MS4A10: variants seen among roughly 807,000 people sequenced by gnomAD.
MS4A10 encodes membrane spanning 4-domains A10.
MS4A10 carries 27 observed loss-of-function variants against 27.7 expected under a neutral mutation model. That is an observed-to-expected ratio of 0.98 (90% CI 0.72 to 1.35). The LOEUF (loss-of-function observed/expected upper bound fraction) is 1.35, where lower values mean the gene tolerates loss of function less well. Among genes scored for constraint, MS4A10 ranks in the 40% most tolerant of loss-of-function variants. MS4A10 has a pLI of 0.00. For synonymous variants in MS4A10, 139 were observed against 131.2 expected, an observed-to-expected ratio of 1.06 and a Z score of -0.41; for missense variants, 338 against 324.7, an observed-to-expected ratio of 1.04 and a Z score of -0.32.
At position 60,795,589 on chromosome 11, in the gene MS4A10, G is replaced by T; in HGVS notation, c.527G>T (p.Cys176Phe). 6.3e-7 allele frequency: 1 copy of T among 1,585,152 alleles called. No individual in the cohort carries two copies. The highest frequency in any genetic ancestry group is 1.4e-5 in the African/African-American group (1 of 73,608). ...CAGAGGCTGGAGCTGGCCTTGCTCT[G>T]CTTCACTGTCCTAGAGCTCTTCCTG... ...HIQRLELALLCFTVLELFLPV... is the reference protein window; with the variant it reads ...HIQRLELALLFFTVLELFLPV... Residue 176 changes from cysteine (C) to phenylalanine (F), a missense_variant, in exon 6 of 8, where the codon TGC becomes TTC. Cys to Phe is a radical substitution (Grantham distance 205). Coordinates refer to ENST00000308287, the MANE Select transcript of MS4A10 (RefSeq NM_206893.4).
At chr11:60,787,167 G>A (rs1009105939) in intron 1 of MS4A10, among the ~76,000 whole-genome samples, 17 of 152,244 alleles carry the variant, frequency 1.1e-4, no homozygotes, top group Middle Eastern at 3.4e-3. Context: ...TGGGTTTCCC[G>A]TGGGATACCA....
At chr11:60,791,125 G>A in intron 3 of MS4A10, 32 bp downstream of exon 3, 1 of 1,611,786 alleles carries the variant, frequency 6.2e-7, no homozygotes, top group Non-Finnish European at 8.5e-7. Flanking sequence ...GACCGGGTGT[G>A]GGAGTCTGCA....
intron 2 of MS4A10, 34 bp from the exon 3 acceptor site, chr11:60,790,940 C>CTCTCTT (rs780106921): frequency 6.2e-7 from 1 of 1,612,188 alleles, no homozygotes; most frequent in South Asian, 1.1e-5. Flanking sequence ...GTGACCGATG[C>CTCTCTT]CCTCACCCCA....
At chr11:60,789,875 GCAC>G (rs1854396137) in intron 1 of MS4A10, among the ~76,000 whole-genome samples, 2 of 152,158 alleles carry the variant, frequency 1.3e-5, no homozygotes, top group South Asian at 4.1e-4. Flanking sequence ...GGAGGCATGG[GCAC>G]CACCACAGGA....
chr11:60,798,364 G>A (rs572842596), intron 6 of MS4A10, 32 bp from the exon 7 acceptor site: 3 of 1,530,040 alleles, frequency 2.0e-6, no homozygotes, highest in South Asian at 2.2e-5. Flanking sequence ...CCACAGCTGT[G>A]AGCAGCAGGG....
At position 60,795,784 on chromosome 11, in the gene MS4A10, G is replaced by A. The variant is rs377291861; in HGVS notation, c.603+119G>A. The A allele has an allele frequency of 2.1e-4, 117 of 564,994 alleles. 1 individual carries two copies. The highest frequency in any genetic ancestry group is 6.1e-4 in the Middle Eastern group (2 of 3,300). The allele number at this position is 564,994 out of a possible 1,614,324, so 35.0% of individuals were successfully genotyped here. A position where few individuals can be genotyped will look rare whatever the true frequency, so the allele number is the denominator to read the frequency against. On this transcript the variant is annotated intron_variant, in intron 6 of 7. Coordinates refer to ENST00000308287, the MANE Select transcript of MS4A10 (RefSeq NM_206893.4). ...GGAGCGTGTTTCATTCATTCCTCAC[G>A]TTGCTGAGCGTTCACTAAGTGACAG...
At chr11:60,786,300 A>G (rs693028) in intron 1 of MS4A10, among the ~76,000 whole-genome samples, 138,490 of 152,082 alleles carry the variant, frequency 0.91, 64,415 homozygotes, top group Non-Finnish European at 1. Context: ...CTGCCTGCTC[A>G]GCCACAGACC....
At chr11:60,786,183 A>ACG (rs1854333581) in intron 1 of MS4A10, among the ~76,000 whole-genome samples, 4 of 145,206 alleles carry the variant, frequency 2.8e-5, no homozygotes, top group African/African-American at 1.0e-4. Context: ...GCACACACAC[A>ACG]CACACGCACA....
chr11:60,785,808 C>G, intron 1 of MS4A10, among the ~76,000 whole-genome samples: 1 of 152,042 alleles, frequency 6.6e-6, no homozygotes, highest in East Asian at 1.9e-4. Context: ...ACAGAGAGAC[C>G]AGTTCAAGAA....
At position 60,800,514 on chromosome 11, in the gene MS4A10, A is replaced by G. The variant is rs1470820364; in HGVS notation, c.*605A>G. Reference sequence around the variant, plus strand: ...ACTGCCTTATAAAATCCCTGTGTGAAGGGATGCTCTCAGTATCATTTGCCC... The same window carrying G: ...ACTGCCTTATAAAATCCCTGTGTGAGGGGATGCTCTCAGTATCATTTGCCC... On this transcript the variant is annotated 3_prime_UTR_variant, in exon 8 of 8. Coordinates refer to ENST00000308287, the MANE Select transcript of MS4A10 (RefSeq NM_206893.4). The G allele has an allele frequency of 1.3e-5, 2 of 152,496 alleles. No homozygotes were observed. Among genetic ancestry groups the G allele is most frequent in the Non-Finnish European group, 2.9e-5 (2 of 68,260 alleles). 9.4% of individuals were successfully genotyped at this position (152,496 alleles called of 1,614,324 possible). A position where few individuals can be genotyped will look rare whatever the true frequency, so the allele number is the denominator to read the frequency against.
rs752182550 is a variant in MS4A10, at chr11:60,790,516, G to A, written c.181G>A (p.Gly61Arg). 1 of 1,614,048 alleles carries A rather than the reference G, an allele frequency of 6.2e-7. No homozygotes were observed. Among genetic ancestry groups the A allele is most frequent in the South Asian group, 1.1e-5 (1 of 91,040 alleles). ...QKKSSLLKEL[G>R]AFHITIALLH... is the part of the protein sequence containing the mutation. ...GAAGAGCAGCCTTCTTAAGGAGCTG[G>A]GGGTGAGCATCCACTTCCCAGGGTC... Residue 61 changes from glycine to arginine, a missense_variant and splice_region_variant, in exon 2 of 8, where the codon GGG becomes AGG. Gly to Arg is a moderately radical substitution (Grantham distance 125). Transcript: ENST00000308287.
chr11:60,786,133 T>C (rs1854330770), intron 1 of MS4A10, among the ~76,000 whole-genome samples: 1 of 151,866 alleles, frequency 6.6e-6, no homozygotes, highest in African/African-American at 2.4e-5. Flanking sequence ...AATTCCTGCC[T>C]TTCTGTCCTT....
At chr11:60,788,527 C>T (rs1854375561) in intron 1 of MS4A10, among the ~76,000 whole-genome samples, 1 of 152,252 alleles carries the variant, frequency 6.6e-6, no homozygotes, top group South Asian at 2.1e-4. Context: ...GTTCAGGCCT[C>T]TGCCACCGAA....
intron 5 of MS4A10, among the ~76,000 whole-genome samples, chr11:60,795,069 T>G (rs1854502192): frequency 6.6e-6 from 1 of 152,144 alleles, no homozygotes; most frequent in Non-Finnish European, 1.5e-5. Context: ...CACATGCATG[T>G]GCGAGCATGC....
rs773067574 is a variant in MS4A10, at chr11:60,795,547, C to G, written c.493-8C>G. 1 of 1,527,192 alleles carries G rather than the reference C, an allele frequency of 6.5e-7. No individual in the cohort carries two copies. The highest frequency in any genetic ancestry group is 1.3e-5 in the South Asian group (1 of 77,044). The allele number at this position is 1,527,192 out of a possible 1,614,324, so 94.6% of individuals were successfully genotyped here. ...CTCACCCTGCCTTCCTTCCCTCTAC[C>G]CTCTCAGGTCCACATCCAGAGGCTG... On this transcript the variant is annotated splice_region_variant and splice_polypyrimidine_tract_variant and intron_variant, in intron 5 of 7. Transcript: ENST00000308287.
At chr11:60,786,050 C>T (rs1854329751) in intron 1 of MS4A10, among the ~76,000 whole-genome samples, 1 of 152,056 alleles carries the variant, frequency 6.6e-6, no homozygotes, top group Admixed American at 6.5e-5. Context: ...AACGCTGATC[C>T]TCTAAGGCAC....
intron 1 of MS4A10, among the ~76,000 whole-genome samples, chr11:60,789,039 G>A (rs143607798): frequency 7.7e-4 from 118 of 152,304 alleles, no homozygotes; most frequent in African/African-American, 2.6e-3. Context: ...TCTTGATAAT[G>A]TCCCTTCCTT....
At chr11:60,787,507 G>A (rs867920988) in intron 1 of MS4A10, among the ~76,000 whole-genome samples, 3 of 152,138 alleles carry the variant, frequency 2.0e-5, no homozygotes, top group African/African-American at 4.8e-5. Context: ...TCTCTATCCC[G>A]TGAGAGAAGT....
At position 60,798,505 on chromosome 11, in the gene MS4A10, A is replaced by G. The variant is rs765268376; in HGVS notation, c.713A>G (p.Gln238Arg). Reference protein sequence around the residue: ...SVIQGDAQHKQHQRLREVKQV... With the variant: ...SVIQGDAQHKRHQRLREVKQV... ...ATTCAAGGCGACGCACAACACAAGC[A>G]ACATCAGAGGTGAAGAGGTTTGGCC... Residue 238 changes from glutamine (Q) to arginine (R), a missense_variant, in exon 7 of 8, where the codon CAA becomes CGA. Coordinates refer to ENST00000308287, the MANE Select transcript of MS4A10 (RefSeq NM_206893.4). 1.2e-6 allele frequency: 2 copies of G among 1,613,796 alleles called. No individual in the cohort carries two copies. The highest frequency in any genetic ancestry group is 4.5e-5 in the East Asian group (2 of 44,878).
Sources: gnomAD v4.1 joint callset for allele counts (sites outside exome capture counted in the v4.1 genomes callset) on GRCh38, gnomAD v4.1.1 for gene constraint, MANE v1.5 for transcripts, NCBI Gene and HGNC (gene_info 2026-07-23, HGNC 2026-07-21) for gene names.